The following ARMC3 variants were observed in gnomAD, a reference collection of about 807,000 sequenced individuals.
ARMC3 encodes armadillo repeat containing 3, also known as armadillo repeat-containing protein 3.
In ARMC3, 74 loss-of-function variants were observed where a neutral mutation model predicts 90.3. That is an observed-to-expected ratio of 0.82 (90% CI 0.68 to 0.99). The LOEUF (loss-of-function observed/expected upper bound fraction) is 0.99, where lower values mean the gene tolerates loss of function less well. Ranked by LOEUF, ARMC3 falls within the 50% of genes least tolerant of loss-of-function variation. The pLI is 0.00. For missense variants in ARMC3, 958 were observed against 1,042.8 expected (o/e 0.92, Z 1.12); for synonymous variants, 334 against 361.8 (o/e 0.92, Z 0.87).
At chr10:22,946,099 T>G in intron 2 of ARMC3, 45 bp from the exon 3 acceptor site, 1 of 1,349,574 alleles carries the variant, frequency 7.4e-7, no homozygotes, top group Non-Finnish European at 1.0e-6. Context: ...AATGTGATTT[T>G]TAAAGCTCAT....
chr10:23,025,724 A>G (rs1838692404), intron 16 of ARMC3, among the ~76,000 whole-genome samples: 1 of 152,064 alleles, frequency 6.6e-6, no homozygotes, highest in South Asian at 2.1e-4. Flanking sequence ...ACACAAACAG[A>G]AAGAAGGAAA....
chr10:23,019,658 C>G (rs1375676993), intron 16 of ARMC3, among the ~76,000 whole-genome samples: 1 of 152,104 alleles, frequency 6.6e-6, no homozygotes. Flanking sequence ...CTCCTGGACT[C>G]AAGTGATCCT....
chr10:22,954,920 G>A (rs1588837879), intron 3 of ARMC3, among the ~76,000 whole-genome samples: 1 of 152,106 alleles, frequency 6.6e-6, no homozygotes, highest in East Asian at 1.9e-4. Context: ...TGGAGAATAA[G>A]GAGAGCCAGG....
intron 10 of ARMC3, among the ~76,000 whole-genome samples, chr10:22,983,853 G>C (rs1836293445): frequency 6.6e-6 from 1 of 152,126 alleles, no homozygotes; most frequent in East Asian, 1.9e-4. Flanking sequence ...AAATGTGATT[G>C]GTTATTGTTA....
rs1289663128 is a variant in ARMC3, at chr10:22,961,999, T to C, written c.653T>C (p.Ile218Thr). ...QLLALKTLGVIANDKESRTML... is the reference protein window; with the variant it reads ...QLLALKTLGVTANDKESRTML... ...TTGGCTCTCAAAACCTTAGGTGTTATTGCAAATGATAAGGAGTCTCGAACA... is the reference window on the plus strand; with the variant it reads ...TTGGCTCTCAAAACCTTAGGTGTTACTGCAAATGATAAGGAGTCTCGAACA... The change falls in exon 7 of 19, where the codon ATT becomes ACT. Residue 218 changes from isoleucine to threonine, a missense_variant. By Grantham distance (89) the Ile-to-Thr change is moderately conservative. Transcript: ENST00000298032. 8 of 1,612,636 alleles carry C rather than the reference T, an allele frequency of 5.0e-6. No individual in the cohort carries two copies. Among genetic ancestry groups the C allele is most frequent in the South Asian group, 4.4e-5 (4 of 90,894 alleles).
chr10:22,961,992 G>A lies in ARMC3; in HGVS notation c.646G>A (p.Gly216Ser), dbSNP rs775133484. 68 of 1,612,316 alleles carry A rather than the reference G, an allele frequency of 4.2e-5. No individual in the cohort carries two copies. The highest frequency in any genetic ancestry group is 6.7e-5 in the Admixed American group (4 of 59,760). Residue 216 changes from glycine to serine, a missense_variant, in exon 7 of 19, where the codon GGT becomes AGT. Coordinates refer to ENST00000298032, the MANE Select transcript of ARMC3 (RefSeq NM_173081.5). ...TCAGTTGTTGGCTCTCAAAACCTTA[G>A]GTGTTATTGCAAATGATAAGGAGTC... ...VIQLLALKTLGVIANDKESRT... is the reference protein window; with the variant it reads ...VIQLLALKTLSVIANDKESRT...
At chr10:23,014,910 C>A (rs1396292925) in intron 16 of ARMC3, among the ~76,000 whole-genome samples, 110 of 131,742 alleles carry the variant, frequency 8.3e-4, no homozygotes, top group South Asian at 1.2e-3. Flanking sequence ...AAAAAAAAAA[C>A]CCCATGACAC....
At chr10:23,036,262 G>T (rs1232437166) in intron 18 of ARMC3, among the ~76,000 whole-genome samples, 1 of 152,100 alleles carries the variant, frequency 6.6e-6, no homozygotes, top group Non-Finnish European at 1.5e-5. Context: ...TTTACCAGTA[G>T]GTCTATGTAG....
At chr10:22,959,022 CTATTAT>C in intron 4 of ARMC3, 42 bp from the exon 5 acceptor site, 1 of 1,439,170 alleles carries the variant, frequency 6.9e-7, no homozygotes, top group Non-Finnish European at 9.8e-7. Context: ...CACACCCGGC[CTATTAT>C]TATTATTAAT....
chr10:22,956,692 TAA>T (rs1834948878), intron 4 of ARMC3, among the ~76,000 whole-genome samples: 1 of 148,584 alleles, frequency 6.7e-6, no homozygotes, highest in African/African-American at 2.4e-5. Context: ...TATTAATATA[TAA>T]TATATATTGA....
At chr10:22,998,740 C>A (rs941263739) in intron 11 of ARMC3, among the ~76,000 whole-genome samples, 3 of 152,162 alleles carry the variant, frequency 2.0e-5, no homozygotes, top group Admixed American at 6.5e-5. Flanking sequence ...CGTGCTGTAG[C>A]CATAAAATAG....
intron 8 of ARMC3, among the ~76,000 whole-genome samples, chr10:22,974,780 T>C (rs574793787): frequency 9.9e-5 from 15 of 152,172 alleles, no homozygotes; most frequent in African/African-American, 3.4e-4. Flanking sequence ...GTAGCTGGGA[T>C]TATAGGTGCG....
intron 10 of ARMC3, among the ~76,000 whole-genome samples, chr10:22,995,182 C>G (rs1409758286): frequency 2.0e-5 from 3 of 151,730 alleles, no homozygotes; most frequent in Non-Finnish European, 4.4e-5. Flanking sequence ...AACAGAATGT[C>G]TGAGGTTTGA....
intron 12 of ARMC3, 41 bp from the exon 13 acceptor site, chr10:23,003,205 G>A: frequency 1.3e-6 from 2 of 1,576,354 alleles, no homozygotes. Flanking sequence ...GTATTGGATG[G>A]CTTGTATAAA....
chr10:22,981,439 C>T lies in ARMC3; in HGVS notation c.1016C>T (p.Ala339Val), dbSNP rs757967694. ...GGAACTAAAATTGCTGCTTCCCAAG[C>T]TATTTCAGCAATGTGTGAGAATTCA... ...NDGTKIAASQ[A>V]ISAMCENSGS... Residue 339 changes from alanine (A) to valine (V), a missense_variant, in exon 9 of 19, where the codon GCT becomes GTT. Physicochemically the swap from Ala to Val is moderately conservative, Grantham distance 64 (BLOSUM62 0). Coordinates refer to ENST00000298032, the MANE Select transcript of ARMC3 (RefSeq NM_173081.5). 1 of 1,613,972 alleles carries T rather than the reference C, an allele frequency of 6.2e-7. No individual in the cohort carries two copies. Among genetic ancestry groups the T allele is most frequent in the African/African-American group, 1.3e-5 (1 of 74,904 alleles).
intron 18 of ARMC3, 39 bp downstream of exon 18, chr10:23,033,062 A>C: frequency 6.2e-7 from 1 of 1,600,676 alleles, no homozygotes; most frequent in Non-Finnish European, 8.5e-7. Context: ...ATTAAGTAAA[A>C]ATGCTTTGTC....
chr10:23,007,027 T>C (rs773859695), intron 14 of ARMC3, 46 bp downstream of exon 14: 1 of 1,388,386 alleles, frequency 7.2e-7, no homozygotes, highest in Non-Finnish European at 9.8e-7. Flanking sequence ...ACATACTGCT[T>C]GTTGTTGTTG....
chr10:23,023,437 C>A (rs905571227), intron 16 of ARMC3, among the ~76,000 whole-genome samples: 2 of 152,104 alleles, frequency 1.3e-5, no homozygotes, highest in African/African-American at 4.8e-5. Context: ...CAGATTATGA[C>A]CCACAAAAGA....
chr10:22,985,864 A>C (rs1284803489), intron 10 of ARMC3, among the ~76,000 whole-genome samples: 1 of 152,156 alleles, frequency 6.6e-6, no homozygotes, highest in South Asian at 2.1e-4. Flanking sequence ...TTGCCTGGAA[A>C]ACCTCTTCCC....
Sources: allele counts gnomAD v4.1 joint callset (sites outside exome capture counted in the v4.1 genomes callset), GRCh38; gene constraint gnomAD v4.1.1; transcripts MANE v1.5; gene names NCBI Gene and HGNC (gene_info 2026-07-23, HGNC 2026-07-21).